Variants in SCHIP1 observed in about 807,000 individuals in gnomAD.
The protein encoded by SCHIP1 is schwannomin-interacting protein 1.
SCHIP1 carries 8 observed loss-of-function variants against 29.7 expected under a neutral mutation model. The observed-to-expected ratio is 0.27, with a 90% CI of 0.16 to 0.49. SCHIP1 has a LOEUF of 0.49. Ranked by LOEUF, SCHIP1 falls within the 20% of genes least tolerant of loss-of-function variation. The pLI is 0.99. For missense variants in SCHIP1, 193 were observed against 294.6 expected (o/e 0.66, Z 2.52); for synonymous variants, 76 against 94.9 (o/e 0.80, Z 1.16).
the SCHIP1 span, among the ~76,000 whole-genome samples, chr3:159,739,509 T>G: frequency 6.6e-6 from 1 of 152,248 alleles, no homozygotes; most frequent in South Asian, 2.1e-4. Context: ...AAATGCTGTT[T>G]CCCATGAAAC....
At chr3:159,702,510 A>T in the SCHIP1 span, among the ~76,000 whole-genome samples, 6 of 152,246 alleles carry the variant, frequency 3.9e-5, no homozygotes, top group African/African-American at 1.2e-4. Flanking sequence ...CCCTCTGGCC[A>T]TCTCTTTTTC....
chr3:159,745,612 G>A, the SCHIP1 span, among the ~76,000 whole-genome samples: 1 of 152,132 alleles, frequency 6.6e-6, no homozygotes, highest in Non-Finnish European at 1.5e-5. Context: ...CAGTCTAATA[G>A]TTTATTTCAT....
the SCHIP1 span, among the ~76,000 whole-genome samples, chr3:159,596,794 G>A: frequency 6.7e-6 from 1 of 150,338 alleles, no homozygotes. Context: ...CACTGGGGGT[G>A]TCATGGGGTG....
chr3:159,672,654 A>G, the SCHIP1 span, among the ~76,000 whole-genome samples: 237 of 152,268 alleles, frequency 1.6e-3, no homozygotes, highest in African/African-American at 5.4e-3. Context: ...TGCACAGGAC[A>G]GCCCCTCACC....
chr3:159,631,861 A>G, the SCHIP1 span, among the ~76,000 whole-genome samples: 1 of 152,138 alleles, frequency 6.6e-6, no homozygotes, highest in Admixed American at 6.6e-5. Context: ...TAAGCAGTGG[A>G]AAAAAATGGA....
At chr3:159,561,894 C>T in the SCHIP1 span, among the ~76,000 whole-genome samples, 4 of 152,098 alleles carry the variant, frequency 2.6e-5, no homozygotes, top group Non-Finnish European at 5.9e-5. Context: ...TTTCCCTTCT[C>T]CTGCAGTGGT....
chr3:159,868,258 CA>C (rs1217386920), intron 2 of SCHIP1, among the ~76,000 whole-genome samples: 1 of 151,526 alleles, frequency 6.6e-6, no homozygotes, highest in Non-Finnish European at 1.5e-5. Context: ...TGCCACTCTC[CA>C]GAAGAAATAA....
chr3:159,585,368 G>T, the SCHIP1 span, among the ~76,000 whole-genome samples: 1 of 152,086 alleles, frequency 6.6e-6, no homozygotes, highest in African/African-American at 2.4e-5. Flanking sequence ...AGACAACTTG[G>T]TAATTTTCTT....
chr3:159,702,347 C>T, the SCHIP1 span, among the ~76,000 whole-genome samples: 1 of 152,154 alleles, frequency 6.6e-6, no homozygotes, highest in Non-Finnish European at 1.5e-5. Flanking sequence ...AATCTCTCCT[C>T]AGTTATCATT....
the SCHIP1 span, among the ~76,000 whole-genome samples, chr3:159,664,241 G>A: frequency 6.6e-6 from 1 of 152,146 alleles, no homozygotes; most frequent in Non-Finnish European, 1.5e-5. Context: ...ATGAGTCTCT[G>A]CCTGGTGTGG....
the SCHIP1 span, among the ~76,000 whole-genome samples, chr3:159,395,847 A>C: frequency 6.6e-6 from 1 of 151,974 alleles, no homozygotes. Context: ...CGCTTGGTAC[A>C]GAGCTGAGTT....
the SCHIP1 span, among the ~76,000 whole-genome samples, chr3:159,635,041 C>A: frequency 1.3e-5 from 2 of 152,070 alleles, no homozygotes; most frequent in Non-Finnish European, 2.9e-5. Flanking sequence ...ATAAGAAGAA[C>A]CAGAATTTTC....
chr3:159,876,355 G>A (rs1416404602), intron 2 of SCHIP1, among the ~76,000 whole-genome samples: 1 of 152,150 alleles, frequency 6.6e-6, no homozygotes, highest in Non-Finnish European at 1.5e-5. Context: ...GGTCTGGCTT[G>A]GAATCTTGAC....
the SCHIP1 span, among the ~76,000 whole-genome samples, chr3:159,830,690 T>C: frequency 1.7e-4 from 26 of 152,204 alleles, no homozygotes; most frequent in Non-Finnish European, 3.4e-4. Context: ...TGTCCTCTTC[T>C]GGGGCTCTGT....
At chr3:159,424,646 A>G in the SCHIP1 span, among the ~76,000 whole-genome samples, 7 of 152,162 alleles carry the variant, frequency 4.6e-5, no homozygotes, top group African/African-American at 7.2e-5. Flanking sequence ...AACTTCCCCA[A>G]TCTAGCAAGG....
the SCHIP1 span, among the ~76,000 whole-genome samples, chr3:159,779,031 T>G: frequency 6.6e-6 from 1 of 152,194 alleles, no homozygotes; most frequent in Non-Finnish European, 1.5e-5. Flanking sequence ...GGAAACAACT[T>G]TTCAGCTTGG....
chr3:159,691,416 CT>C, the SCHIP1 span, among the ~76,000 whole-genome samples: 21,891 of 106,696 alleles, frequency 0.21, 1,070 homozygotes, highest in African/African-American at 0.32. Context: ...GCAACCCCTG[CT>C]TTTTTTTTTT....
At chr3:159,406,716 A>G in the SCHIP1 span, among the ~76,000 whole-genome samples, 5 of 152,214 alleles carry the variant, frequency 3.3e-5, no homozygotes, top group Non-Finnish European at 7.3e-5. Flanking sequence ...TAAGATATAA[A>G]TAGAAAAAAC....
chr3:159,584,181 A>C, the SCHIP1 span, among the ~76,000 whole-genome samples: 1 of 152,132 alleles, frequency 6.6e-6, no homozygotes, highest in Non-Finnish European at 1.5e-5. Context: ...AAAACAGTCA[A>C]AAAACCCTTT....
Sources: gnomAD v4.1 joint callset for allele counts (sites outside exome capture counted in the v4.1 genomes callset) on GRCh38, gnomAD v4.1.1 for gene constraint, MANE v1.5 for transcripts, NCBI Gene and HGNC (gene_info 2026-07-23, HGNC 2026-07-21) for gene names.